The following PITPNM2 variants were observed in gnomAD, a reference collection of about 807,000 sequenced individuals.
PITPNM2 encodes membrane-associated phosphatidylinositol transfer protein 2.
PITPNM2 carries 35 observed loss-of-function variants against 132.2 expected under a neutral mutation model. That is an observed-to-expected ratio of 0.26 (90% confidence interval 0.20 to 0.35). The LOEUF (loss-of-function observed/expected upper bound fraction) is 0.35. Ranked by LOEUF, PITPNM2 falls within the 10% of genes least tolerant of loss-of-function variation. The pLI is 1.00. For synonymous variants in PITPNM2, 738 were observed against 799.2 expected (o/e 0.92, Z 1.29); for missense variants, 1,332 against 1,912.0 (o/e 0.70, Z 5.66).
At chr12:123,048,707 C>A (rs117626928) in intron 2 of PITPNM2, among the ~76,000 whole-genome samples, 1 of 152,092 alleles carries the variant, frequency 6.6e-6, no homozygotes, top group South Asian at 2.1e-4. Flanking sequence ...CCACCGCGCC[C>A]GGCTGGGTAG....
Position 123,117,715 on chromosome 12 carries a change from TCTG to T in PITPNM2, c.-199-7230_-199-7228del, listed in dbSNP as rs1277313824. ...CAGACGTGTGCCCCTGGAGCCCTGC[TCTG>T]CTCTCTGTGCCCTTCATGGATTTGT... On this transcript the variant is annotated intron_variant, in intron 1 of 25. Transcript: ENST00000320201. This position sits in a 1 kb window ranked among gnomAD's most constrained non-coding sequence, Gnocchi z 4.7. 3.3e-5 allele frequency among the ~76,000 whole-genome samples: 5 copies of T among 152,222 alleles called. No individual in the cohort carries two copies. The highest frequency in any genetic ancestry group is 7.3e-5 in the Non-Finnish European group (5 of 68,038).
At chr12:123,027,478 C>G (rs1439635953) in intron 3 of PITPNM2, among the ~76,000 whole-genome samples, 1 of 152,254 alleles carries the variant, frequency 6.6e-6, no homozygotes, top group African/African-American at 2.4e-5. Context: ...TCTGGGCAGA[C>G]TGGTATCATT....
chr12:122,997,687 G>A, intron 10 of PITPNM2, 115 bp from the exon 11 acceptor site: 1 of 1,416,474 alleles, frequency 7.1e-7, no homozygotes, highest in African/African-American at 1.4e-5. Flanking sequence ...TGCTCCCTCT[G>A]AGAACCCCAG....
chr12:123,021,731 C>T (rs1287132437), intron 3 of PITPNM2: 1 of 983,352 alleles, frequency 1.0e-6, no homozygotes, highest in Non-Finnish European at 1.2e-6. Context: ...GGTGGCAGAA[C>T]ATGCGGGCTT....
At chr12:123,110,689 G>C (rs1321184939) in intron 1 of PITPNM2, among the ~76,000 whole-genome samples, 1 of 152,206 alleles carries the variant, frequency 6.6e-6, no homozygotes, top group Non-Finnish European at 1.5e-5. Context: ...ATTGGTGACA[G>C]ATACACCCCA....
At position 122,994,576 on chromosome 12, in the gene PITPNM2, C is replaced by G. The variant is rs2038335964; in HGVS notation, c.2233+225G>C. 6.6e-6 allele frequency among the ~76,000 whole-genome samples: 1 copy of G among 152,186 alleles called. No homozygotes were observed. The highest frequency in any genetic ancestry group is 2.4e-5 in the African/African-American group (1 of 41,430). ...TCTAGGGGTTGACCCTCAGCATCCA[C>G]AGGCACCCCGGAGATGAAATGAAAC... On this transcript the variant is annotated intron_variant, in intron 15 of 25. Coordinates refer to ENST00000320201, the MANE Select transcript of PITPNM2 (RefSeq NM_020845.3). This position sits in a 1 kb window ranked among gnomAD's most constrained non-coding sequence, Gnocchi z 5.4.
intron 2 of PITPNM2, among the ~76,000 whole-genome samples, chr12:123,068,241 G>A (rs911731483): frequency 1.3e-5 from 2 of 152,160 alleles, no homozygotes; most frequent in East Asian, 3.9e-4. Context: ...GCCAAGGTGG[G>A]CGGATCACAA....
chr12:122,986,114 G>A lies in PITPNM2; in HGVS notation c.3963C>T (p.Gly1321=). 1 of 1,499,538 alleles carries A rather than the reference G, an allele frequency of 6.7e-7. No homozygotes were observed. Among genetic ancestry groups the A allele is most frequent in the Non-Finnish European group, 8.8e-7 (1 of 1,131,964 alleles). 92.9% of individuals were successfully genotyped at this position (1,499,538 alleles called of 1,614,324 possible). ...TQSQADGEQR[G]QRSMSVAAGC... is the part of the protein sequence containing the mutation. ...CGGCCGCCACACTCATGCTGCGCTGGCCCCGCTGCTCGCCATCCGCCTGGC... is the reference window on the plus strand; with the variant it reads ...CGGCCGCCACACTCATGCTGCGCTGACCCCGCTGCTCGCCATCCGCCTGGC... Residue 1321 remains glycine (G), a synonymous_variant, in exon 26 of 26, where the codon GGC becomes GGT. Transcript: ENST00000320201.
At chr12:123,119,727 A>ATATCAGG (rs2042998570) in intron 1 of PITPNM2, among the ~76,000 whole-genome samples, 1 of 151,806 alleles carries the variant, frequency 6.6e-6, no homozygotes, top group Non-Finnish European at 1.5e-5. Flanking sequence ...ATGAGTACTA[A>ATATCAGG]TATCAGGCTG....
At chr12:123,112,831 C>A (rs1470125202) in intron 1 of PITPNM2, among the ~76,000 whole-genome samples, 2 of 152,136 alleles carry the variant, frequency 1.3e-5, no homozygotes, top group Non-Finnish European at 2.9e-5. Flanking sequence ...AGCCACTGCA[C>A]CCAGCCTAAA....
chr12:123,109,133 A>G (rs2042782780), intron 2 of PITPNM2, among the ~76,000 whole-genome samples: 1 of 152,126 alleles, frequency 6.6e-6, no homozygotes, highest in Non-Finnish European at 1.5e-5. Context: ...ACCTACCCCC[A>G]CCAGCATCCT....
Position 122,988,799 on chromosome 12 carries a change from G to T in PITPNM2, c.2805C>A (p.Pro935=). ...LYCPDALTAF[P]TVALPHLFHA... is the part of the protein sequence containing the mutation. ...GGAAGAGGTGAGGCAGAGCCACCGT[G>T]GGGAAGGCCGTGAGGGCGTCAGGGC... The change falls in exon 19 of 26, where the codon CCC becomes CCA. Residue 935 remains proline, a synonymous_variant. Transcript: ENST00000320201. 1 of 1,585,254 alleles carries T rather than the reference G, an allele frequency of 6.3e-7. No homozygotes were observed. The highest frequency in any genetic ancestry group is 8.6e-7 in the Non-Finnish European group (1 of 1,165,810).
intron 2 of PITPNM2, among the ~76,000 whole-genome samples, chr12:123,050,458 T>C (rs1314087962): frequency 6.6e-6 from 1 of 152,152 alleles, no homozygotes; most frequent in Non-Finnish European, 1.5e-5. Context: ...CCAGACTCTG[T>C]ATCTCCTGGG....
In PITPNM2 at chr12:123,000,945, C is replaced by A. The variant is rs1014203643; in HGVS notation, c.1154-97G>T. 2.6e-6 allele frequency: 4 copies of A among 1,553,398 alleles called. No individual in the cohort carries two copies. The highest frequency in any genetic ancestry group is 1.7e-4 in the Middle Eastern group (1 of 5,926). On this transcript the variant is annotated intron_variant, in intron 9 of 25. Transcript: ENST00000320201. The surrounding 1 kb of genome is among the most constrained non-coding windows in gnomAD (Gnocchi z 5.4). ...CTGTGACGAGGGGAGCTTGGGGGTC[C>A]CCAACTCACATGTATGCCCAGCACT... is the stretch of plus-strand genomic sequence containing the variant.
Position 122,987,780 on chromosome 12 carries a change from C to T in PITPNM2, c.3114+5G>A. On this transcript the variant is annotated splice_donor_5th_base_variant and intron_variant, in intron 21 of 25. Transcript: ENST00000320201. ...CCATGTTACCCCTACCCGCCGTGTC[C>T]TTACCTTCTCCCCAGTCAGGGTGAC... is the stretch of plus-strand genomic sequence containing the variant. 6.2e-7 allele frequency: 1 copy of T among 1,613,936 alleles called. No individual in the cohort carries two copies. The highest frequency in any genetic ancestry group is 8.5e-7 in the Non-Finnish European group (1 of 1,179,974).
chr12:123,065,168 G>A (rs1204069067), intron 2 of PITPNM2, among the ~76,000 whole-genome samples: 3 of 152,218 alleles, frequency 2.0e-5, no homozygotes, highest in Non-Finnish European at 2.9e-5. Context: ...CTGCCTCATC[G>A]GTCTGTGAGG....
chr12:123,149,182 G>A (rs1023056851), intron 1 of PITPNM2, among the ~76,000 whole-genome samples: 1 of 152,138 alleles, frequency 6.6e-6, no homozygotes, highest in Non-Finnish European at 1.5e-5. Context: ...CCAGTCTCTC[G>A]ACTCCCGCAG....
Position 122,985,746 on chromosome 12 carries a change from T to G in PITPNM2, c.*281A>C. On this transcript the variant is annotated 3_prime_UTR_variant, in exon 26 of 26. Coordinates refer to ENST00000320201, the MANE Select transcript of PITPNM2 (RefSeq NM_020845.3). The stretch of plus-strand genomic sequence containing the variant: ...ACTTGGAGATCCACACAGGGCAAAA[T>G]GTCTGGGAGAACCTCCCGGGCCAGT... 2.8e-6 allele frequency: 1 copy of G among 352,754 alleles called. No homozygotes were observed. The highest frequency in any genetic ancestry group is 5.1e-6 in the Non-Finnish European group (1 of 197,064). 21.9% of individuals were successfully genotyped at this position (352,754 alleles called of 1,614,324 possible). A position where few individuals can be genotyped will look rare whatever the true frequency, so the allele number is the denominator to read the frequency against.
In PITPNM2 at chr12:123,049,117, G is replaced by C. The variant is rs1327354916; in HGVS notation, c.-95-14432C>G. Among the ~76,000 whole-genome samples the C allele has an allele frequency of 3.9e-5, 6 of 151,922 alleles. No homozygotes were observed. The South Asian group carries it at 8.4e-4, about 21-fold the overall frequency. On this transcript the variant is annotated intron_variant, in intron 2 of 25. Coordinates refer to ENST00000320201, the MANE Select transcript of PITPNM2 (RefSeq NM_020845.3). ...CCACTGCACTCCAGCCTGGGTGACA[G>C]AGCAAGACCCTGTCTCTAAAACACA...
Sources: gnomAD v4.1 joint callset for allele counts (sites outside exome capture counted in the v4.1 genomes callset) on GRCh38, gnomAD v4.1.1 for gene constraint, Gnocchi (gnomAD v3.1) non-coding constraint, MANE v1.5 for transcripts, NCBI Gene and HGNC (gene_info 2026-07-23, HGNC 2026-07-21) for gene names.